Variants in GARS1 observed in about 807,000 individuals in gnomAD.
GARS1 encodes the protein glycine--tRNA ligase.
GARS1 carries 46 observed loss-of-function variants against 86.4 expected under a neutral mutation model. The observed-to-expected ratio is 0.53, with a 90% confidence interval of 0.42 to 0.68. The LOEUF (loss-of-function observed/expected upper bound fraction) is 0.68, where lower values mean the gene tolerates loss of function less well. Among genes scored for constraint, GARS1 ranks in the 30% least tolerant of loss-of-function variants. The pLI is 0.00. For synonymous variants in GARS1, 342 were observed against 329.8 expected, an observed-to-expected ratio of 1.04 and a Z score of -0.40; for missense variants, 797 against 915.6, an observed-to-expected ratio of 0.87 and a Z score of 1.67.
At chr7:30,613,043 C>T (rs1782802062) in intron 8 of GARS1, among the ~76,000 whole-genome samples, 1 of 152,174 alleles carries the variant, frequency 6.6e-6, no homozygotes, top group African/African-American at 2.4e-5. Flanking sequence ...CCCCAGCGCC[C>T]ACCCATTTCC....
At chr7:30,618,284 G>A (rs1462697833) in intron 10 of GARS1, among the ~76,000 whole-genome samples, 3 of 152,032 alleles carry the variant, frequency 2.0e-5, no homozygotes, top group Non-Finnish European at 2.9e-5. Context: ...AGCTTTATGA[G>A]TCTCTGTCAC....
At chr7:30,616,969 G>C in intron 9 of GARS1, 145 bp from the exon 10 acceptor site, 4 of 779,910 alleles carry the variant, frequency 5.1e-6, no homozygotes, top group Non-Finnish European at 4.4e-6. Flanking sequence ...ATTTGAAATT[G>C]TTTTGAAAGC....
At chr7:30,619,514 C>T (rs1453404125) in intron 10 of GARS1, among the ~76,000 whole-genome samples, 1 of 152,098 alleles carries the variant, frequency 6.6e-6, no homozygotes, top group Non-Finnish European at 1.5e-5. Flanking sequence ...CCTTTCAGTA[C>T]ATAAATGTTA....
At chr7:30,612,630 GGC>G (rs1782786223) in intron 8 of GARS1, among the ~76,000 whole-genome samples, 2 of 152,264 alleles carry the variant, frequency 1.3e-5, no homozygotes, top group East Asian at 3.9e-4. Flanking sequence ...TGAAAGTTGT[GGC>G]AGGAGGATTG....
At chr7:30,621,244 A>G (rs1270886183) in intron 10 of GARS1, 149 bp from the exon 11 acceptor site, 7 of 729,854 alleles carry the variant, frequency 9.6e-6, no homozygotes, top group Admixed American at 2.1e-5. Flanking sequence ...GGCTATTCCC[A>G]TTTCAAATAT....
At chr7:30,625,109 A>AT (rs1783100719) in intron 12 of GARS1, among the ~76,000 whole-genome samples, 5 of 151,992 alleles carry the variant, frequency 3.3e-5, no homozygotes. Context: ...CGCCTAGCTA[A>AT]TTTTTTGTAT....
intron 15 of GARS1, chr7:30,631,992 C>T (rs754203989): frequency 1.8e-4 from 88 of 489,478 alleles, no homozygotes; most frequent in Non-Finnish European, 3.0e-4. Context: ...AGTCAGGACT[C>T]ACCTTCTGGC....
At chr7:30,614,191 T>A (rs939605522) in intron 8 of GARS1, 1 of 152,194 alleles carries the variant, frequency 6.6e-6, no homozygotes, top group African/African-American at 2.4e-5. Context: ...ATTACCACAG[T>A]CAAGCTAATT....
chr7:30,595,212 C>T (rs1423315039), intron 1 of GARS1, 69 bp downstream of exon 1: 7 of 1,338,744 alleles, frequency 5.2e-6, no homozygotes, highest in East Asian at 2.5e-5. Context: ...GGTCATCCTT[C>T]CCTCCTCCCC....
chr7:30,603,386 A>G (rs1305654402), intron 5 of GARS1, 110 bp from the exon 6 acceptor site: 2 of 908,520 alleles, frequency 2.2e-6, no homozygotes, highest in African/African-American at 3.3e-5. Context: ...GGATTCATGT[A>G]AATTAAGAAC....
chr7:30,624,253 G>GC (rs1489737184), intron 12 of GARS1, among the ~76,000 whole-genome samples: 1 of 152,106 alleles, frequency 6.6e-6, no homozygotes, highest in Admixed American at 6.5e-5. Context: ...AGAGTGCATT[G>GC]CCAGCAGACC....
At chr7:30,624,109 AT>A (rs144106227) in intron 12 of GARS1, among the ~76,000 whole-genome samples, 20 of 149,396 alleles carry the variant, frequency 1.3e-4, no homozygotes, top group South Asian at 6.4e-4. Flanking sequence ...GTTTTTTTGC[AT>A]TTTTTTTTTC....
chr7:30,615,487 AC>A (rs917066687), intron 8 of GARS1, among the ~76,000 whole-genome samples: 2 of 152,210 alleles, frequency 1.3e-5, no homozygotes, highest in African/African-American at 4.8e-5. Flanking sequence ...AATTTAAAAA[AC>A]TATATTAATC....
At chr7:30,633,690 C>G in intron 16 of GARS1, 45 bp from the exon 17 acceptor site, 1 of 1,607,644 alleles carries the variant, frequency 6.2e-7, no homozygotes, top group Non-Finnish European at 8.5e-7. Context: ...TCTTAAAAAT[C>G]TGAACAAGTT....
At chr7:30,631,835 G>A (rs1031364010) in intron 15 of GARS1, 4 of 390,754 alleles carry the variant, frequency 1.0e-5, no homozygotes, top group African/African-American at 6.2e-5. Context: ...CCTGAGTGGA[G>A]TGTAGCAACC....
chr7:30,595,661 T>C (rs1791231657), intron 1 of GARS1, among the ~76,000 whole-genome samples: 1 of 152,226 alleles, frequency 6.6e-6, no homozygotes, highest in East Asian at 1.9e-4. Context: ...GCTTTGATAG[T>C]GTTTCCCCCT....
chr7:30,616,126 A>T lies in GARS1; in HGVS notation c.1194+68A>T. 2.6e-6 allele frequency: 4 copies of T among 1,525,946 alleles called. No individual in the cohort carries two copies. In the South Asian group the frequency reaches 3.4e-5, roughly 13 times the overall value. 94.5% of individuals were successfully genotyped at this position (1,525,946 alleles called of 1,614,324 possible). ...GGGTTTGCAGCAATTAGCAAATTCT[A>T]TGTGTTCTGGGTGACAAGATATTTT... On this transcript the variant is annotated intron_variant, in intron 9 of 16. Transcript: ENST00000389266.
At chr7:30,617,033 T>C in intron 9 of GARS1, 81 bp from the exon 10 acceptor site, 1 of 1,433,638 alleles carries the variant, frequency 7.0e-7, no homozygotes, top group Non-Finnish European at 9.8e-7. Flanking sequence ...AGTGAGTCAA[T>C]GGAAACCGAT....
At chr7:30,620,454 A>G (rs1426793210) in intron 10 of GARS1, among the ~76,000 whole-genome samples, 1 of 152,162 alleles carries the variant, frequency 6.6e-6, no homozygotes, top group Non-Finnish European at 1.5e-5. Context: ...CCCAAATTCC[A>G]GTGATTAGGG....
Sources: gnomAD v4.1 joint callset for allele counts (sites outside exome capture counted in the v4.1 genomes callset) on GRCh38, gnomAD v4.1.1 for gene constraint, MANE v1.5 for transcripts, NCBI Gene and HGNC (gene_info 2026-07-23, HGNC 2026-07-21) for gene names.